OR5D3: variants seen among roughly 807,000 people sequenced by gnomAD.
OR5D3 encodes the protein olfactory receptor family 5 subfamily D member 3, also known as olfactory receptor 5D3.
the OR5D3 span, chr11:55,723,997 G>A: frequency 0.088 from 34,873 of 397,498 alleles, 1,753 homozygotes; most frequent in African/African-American, 0.16. Flanking sequence ...ATTGGAGTTC[G>A]TTAATTTCAG....
the OR5D3 span, among the ~76,000 whole-genome samples, chr11:55,724,360 C>A: frequency 6.6e-6 from 1 of 152,002 alleles, no homozygotes; most frequent in South Asian, 2.1e-4. Context: ...AGGAGATAAG[C>A]GAGACTAATA....
chr11:55,724,116 C>T, the OR5D3 span: 7 of 395,728 alleles, frequency 1.8e-5, no homozygotes, highest in East Asian at 3.6e-5. Context: ...TTCCGGTAAT[C>T]TTAGTACCAG....
At chr11:55,726,719 G>A in the OR5D3 span, 1 of 399,014 alleles carries the variant, frequency 2.5e-6, no homozygotes, top group Non-Finnish European at 4.4e-6. Context: ...TTATCTTTTT[G>A]TAGGACTAAC....
At chr11:55,726,908 G>A in the OR5D3 span, 4 of 399,112 alleles carry the variant, frequency 1.0e-5, no homozygotes, top group South Asian at 1.3e-4. Flanking sequence ...CCTTCCACTG[G>A]GGGGCGCAAG....
the OR5D3 span, among the ~76,000 whole-genome samples, chr11:55,725,368 C>T: frequency 6.6e-6 from 1 of 151,998 alleles, no homozygotes. Flanking sequence ...CTTGGCAAAG[C>T]TTTAAACTTA....
the OR5D3 span, chr11:55,729,216 A>G: frequency 6.6e-6 from 1 of 152,034 alleles, no homozygotes; most frequent in Non-Finnish European, 1.5e-5. Flanking sequence ...TCAGTGTGAA[A>G]GCAAACATGT....
the OR5D3 span, among the ~76,000 whole-genome samples, chr11:55,725,002 G>A: frequency 6.6e-6 from 1 of 151,966 alleles, no homozygotes; most frequent in African/African-American, 2.4e-5. Context: ...AAATTCTACA[G>A]TACTTCCATT....
At chr11:55,725,699 T>G in the OR5D3 span, among the ~76,000 whole-genome samples, 2 of 151,992 alleles carry the variant, frequency 1.3e-5, no homozygotes, top group Non-Finnish European at 2.9e-5. Flanking sequence ...TTGAAAGTAT[T>G]GGATTATAAG....
the OR5D3 span, chr11:55,726,468 G>T: frequency 2.8e-5 from 13 of 458,980 alleles, no homozygotes; most frequent in Middle Eastern, 3.4e-4. Context: ...TGGAGAACTT[G>T]GTTGTGGAAG....
chr11:55,726,081 A>C, the OR5D3 span: 1 of 396,506 alleles, frequency 2.5e-6, no homozygotes, highest in Non-Finnish European at 4.4e-6. Flanking sequence ...ATAATTTGAC[A>C]GTGGAAACCT....
the OR5D3 span, among the ~76,000 whole-genome samples, chr11:55,726,054 G>A: frequency 1.3e-5 from 2 of 151,714 alleles, no homozygotes; most frequent in African/African-American, 2.4e-5. Flanking sequence ...TTTTATATAA[G>A]TACTCTACCT....
the OR5D3 span, chr11:55,729,138 A>T: frequency 6.6e-6 from 1 of 151,954 alleles, no homozygotes. Flanking sequence ...TATTTTGGTA[A>T]ATGTTCATAA....
chr11:55,726,502 T>C, the OR5D3 span: 21 of 439,610 alleles, frequency 4.8e-5, no homozygotes, highest in South Asian at 1.7e-3. Flanking sequence ...CTTCACAGGA[T>C]GCATCATGCA....
At chr11:55,724,202 A>T in the OR5D3 span, 4 of 386,090 alleles carry the variant, frequency 1.0e-5, no homozygotes, top group Non-Finnish European at 1.4e-5. Context: ...ATGTTGTTAT[A>T]TCCTGATTCC....
chr11:55,725,969 C>A, the OR5D3 span, among the ~76,000 whole-genome samples: 10 of 151,902 alleles, frequency 6.6e-5, no homozygotes, highest in African/African-American at 2.2e-4. Context: ...GGAAGGTATA[C>A]CCTGTTTTGT....
the OR5D3 span, chr11:55,724,154 C>G: frequency 2.1e-5 from 8 of 388,438 alleles, no homozygotes; most frequent in Non-Finnish European, 3.6e-5. Flanking sequence ...TTGAAGTGCC[C>G]TCAAATCCAC....
chr11:55,728,542 G>T, the OR5D3 span: 7 of 151,990 alleles, frequency 4.6e-5, no homozygotes, highest in African/African-American at 1.7e-4. Context: ...TTAAGTATAA[G>T]AACTTACATT....
the OR5D3 span, among the ~76,000 whole-genome samples, chr11:55,725,902 A>C: frequency 6.6e-6 from 1 of 152,230 alleles, no homozygotes; most frequent in Admixed American, 6.5e-5. Flanking sequence ...TCTCAGATTC[A>C]TGCAAACTTA....
At chr11:55,724,721 A>C in the OR5D3 span, among the ~76,000 whole-genome samples, 1 of 152,080 alleles carries the variant, frequency 6.6e-6, no homozygotes, top group South Asian at 2.1e-4. Context: ...CTCTCAGGTT[A>C]AAGTGATTAC....
Sources: gnomAD v4.1 joint callset for allele counts (sites outside exome capture counted in the v4.1 genomes callset) on GRCh38, gnomAD v4.1.1 for gene constraint, MANE v1.5 for transcripts, NCBI Gene and HGNC (gene_info 2026-07-23, HGNC 2026-07-21) for gene names.